The following PREP variants were observed in gnomAD, a reference collection of about 807,000 sequenced individuals.
PREP encodes prolyl endopeptidase.
PREP carries 29 observed loss-of-function variants against 87.6 expected under a neutral mutation model. The observed-to-expected ratio is 0.33, with a 90% CI of 0.25 to 0.45. The LOEUF is 0.45. Ranked by LOEUF, PREP falls within the 20% of genes least tolerant of loss-of-function variation. The pLI is 1.00. For synonymous variants in PREP, 337 were observed against 328.6 expected (o/e 1.03, Z -0.28); for missense variants, 695 against 886.5 (o/e 0.78, Z 2.74).
chr6:105,303,660 T>TA (rs139806974), intron 10 of PREP, among the ~76,000 whole-genome samples: 2,359 of 152,262 alleles, frequency 0.015, 59 homozygotes, highest in African/African-American at 0.054. Flanking sequence ...GAAAGAAACT[T>TA]AAAACAGCAC....
chr6:105,377,157 C>T (rs911588527), intron 3 of PREP, among the ~76,000 whole-genome samples: 2 of 152,164 alleles, frequency 1.3e-5, no homozygotes, highest in African/African-American at 4.8e-5. Flanking sequence ...TTCCTATAAT[C>T]TAGATTTCTT....
intron 9 of PREP, among the ~76,000 whole-genome samples, chr6:105,328,446 C>T (rs189166733): frequency 2.6e-5 from 4 of 152,156 alleles, no homozygotes; most frequent in East Asian, 3.9e-4. Flanking sequence ...TCAGTAGAGA[C>T]GGGTTTCACC....
chr6:105,326,444 GA>G (rs773749399), intron 9 of PREP, among the ~76,000 whole-genome samples: 2 of 152,200 alleles, frequency 1.3e-5, no homozygotes, highest in Admixed American at 6.5e-5. Flanking sequence ...TTGGGCTCAA[GA>G]TGTGTTTTCA....
At chr6:105,354,862 CT>C (rs1160071858) in intron 6 of PREP, among the ~76,000 whole-genome samples, 5 of 152,298 alleles carry the variant, frequency 3.3e-5, no homozygotes, top group African/African-American at 1.2e-4. Context: ...TGACTAATAG[CT>C]GTTATTCTTT....
intron 14 of PREP, chr6:105,280,803 G>A (rs1413742539): frequency 9.9e-5 from 15 of 152,130 alleles, no homozygotes; most frequent in Admixed American, 9.8e-4. Flanking sequence ...GAACTCCTAA[G>A]CTCAAGTGAT....
chr6:105,280,600 TC>T (rs1770059825), intron 14 of PREP: 1 of 152,062 alleles, frequency 6.6e-6, no homozygotes, highest in African/African-American at 2.4e-5. Context: ...TTGAATATAT[TC>T]CTTTTTTTTT....
chr6:105,367,315 T>C (rs572987899), intron 6 of PREP, among the ~76,000 whole-genome samples: 1 of 151,762 alleles, frequency 6.6e-6, no homozygotes, highest in Non-Finnish European at 1.5e-5. Context: ...TCCAAATAGA[T>C]CTCAGAAAAG....
At chr6:105,301,790 T>C (rs1048477444) in intron 10 of PREP, among the ~76,000 whole-genome samples, 72 of 152,356 alleles carry the variant, frequency 4.7e-4, no homozygotes, top group African/African-American at 1.7e-3. Context: ...ACCAACAATG[T>C]GCTAAGTGCT....
intron 1 of PREP, among the ~76,000 whole-genome samples, chr6:105,398,513 C>G (rs1434897564): frequency 6.6e-6 from 1 of 152,184 alleles, no homozygotes; most frequent in Non-Finnish European, 1.5e-5. Flanking sequence ...AAACTAATGC[C>G]TTTCTTCCTT....
In PREP at chr6:105,317,123, AT is replaced by A. The variant is rs1253842640; in HGVS notation, c.1317+6541del. Reference sequence around the variant, plus strand: ...ACCGTGCCTGGCTAATTAAAAAAAAATATATATATTTTTTTGTAGAAATGGA... The same window carrying A: ...ACCGTGCCTGGCTAATTAAAAAAAAAATATATATTTTTTTGTAGAAATGGA... On this transcript the variant is annotated intron_variant, in intron 10 of 14. Coordinates refer to ENST00000652536, the MANE Select transcript of PREP (RefSeq NM_002726.5). 2.1e-4 allele frequency among the ~76,000 whole-genome samples: 32 copies of A among 150,148 alleles called. No homozygotes were observed. In the East Asian group the frequency reaches 2.5e-3, roughly 12 times the overall value.
At chr6:105,305,527 C>T (rs893593777) in intron 10 of PREP, among the ~76,000 whole-genome samples, 15 of 152,088 alleles carry the variant, frequency 9.9e-5, no homozygotes, top group African/African-American at 2.9e-4. Context: ...TGGGAAGTAA[C>T]TCACTAGTGG....
chr6:105,292,415 C>T (rs1235338039), intron 10 of PREP, among the ~76,000 whole-genome samples: 1 of 152,142 alleles, frequency 6.6e-6, no homozygotes, highest in East Asian at 1.9e-4. Context: ...ACTAGATGTG[C>T]CGTCAATGAG....
intron 2 of PREP, among the ~76,000 whole-genome samples, chr6:105,387,682 CATA>C (rs1773038429): frequency 6.6e-6 from 1 of 151,690 alleles, no homozygotes; most frequent in Admixed American, 6.6e-5. Flanking sequence ...AAAAAAATCT[CATA>C]ATGTTTTCAG....
intron 6 of PREP, among the ~76,000 whole-genome samples, chr6:105,358,909 G>T (rs1772171576): frequency 6.6e-6 from 1 of 152,138 alleles, no homozygotes; most frequent in African/African-American, 2.4e-5. Flanking sequence ...ACTACCACAG[G>T]CTCAAGGGCA....
rs576227060 is a variant in PREP at position 105,312,488 on chromosome 6, T to C, written c.1317+11177A>G. 4.6e-3 allele frequency among the ~76,000 whole-genome samples: 705 copies of C among 152,330 alleles called. 5 individuals are homozygous for C. Among genetic ancestry groups the C allele is most frequent in the Middle Eastern group, 0.024 (7 of 294 alleles). ...GTCTTAACAAAGCCACAGTGTTTTA[T>C]ATCAATTTCTGCATGAAGACCCAGA... is the stretch of plus-strand genomic sequence containing the variant. On this transcript the variant is annotated intron_variant, in intron 10 of 14. Coordinates refer to ENST00000652536, the MANE Select transcript of PREP (RefSeq NM_002726.5).
intron 11 of PREP, among the ~76,000 whole-genome samples, chr6:105,285,947 T>C (rs1267606650): frequency 6.6e-6 from 1 of 152,142 alleles, no homozygotes; most frequent in African/African-American, 2.4e-5. Context: ...TGCTAATTTT[T>C]GTATTTTTAG....
At chr6:105,287,693 T>C (rs1306172778) in intron 11 of PREP, among the ~76,000 whole-genome samples, 3 of 152,218 alleles carry the variant, frequency 2.0e-5, no homozygotes, top group African/African-American at 7.2e-5. Flanking sequence ...TCCATGAATC[T>C]CTTCCCAAAC....
intron 7 of PREP, among the ~76,000 whole-genome samples, chr6:105,335,086 T>G (rs557158037): frequency 6.6e-6 from 1 of 152,298 alleles, no homozygotes; most frequent in African/African-American, 2.4e-5. Flanking sequence ...AAGTAAATCT[T>G]CAATACGTCC....
intron 12 of PREP, 49 bp from the exon 13 acceptor site, chr6:105,282,631 A>C: frequency 6.3e-7 from 1 of 1,589,898 alleles, no homozygotes; most frequent in Non-Finnish European, 8.6e-7. Flanking sequence ...ACATAAAAAT[A>C]AGTTTAATCT....
Sources: gnomAD v4.1 joint callset for allele counts (sites outside exome capture counted in the v4.1 genomes callset) on GRCh38, gnomAD v4.1.1 for gene constraint, MANE v1.5 for transcripts, NCBI Gene and HGNC (gene_info 2026-07-23, HGNC 2026-07-21) for gene names.